Variants in HLCS observed in about 807,000 individuals in gnomAD.
HLCS encodes biotin--protein ligase.
HLCS carries 53 observed loss-of-function variants against 75.0 expected under a neutral mutation model. The observed-to-expected ratio is 0.71, with a 90% CI of 0.57 to 0.89. The LOEUF is 0.89. Ranked by LOEUF, HLCS falls within the 40% of genes least tolerant of loss-of-function variation. The pLI, the probability that HLCS is intolerant of heterozygous loss-of-function variation, is 0.00. For synonymous variants in HLCS, 431 were observed against 428.6 expected (o/e 1.01, Z -0.07); for missense variants, 966 against 1,074.0 (o/e 0.90, Z 1.41).
rs2156420 is a variant in HLCS, at chr21:36,788,159, G to C, written c.1893-20874C>G. On this transcript the variant is annotated intron_variant, in intron 6 of 10. Transcript: ENST00000674895. ...TCTTCCTGAAGCTGTTCTGTGCACA[G>C]GTCCTCTCCACACTCATGCCAAATG... Among the ~76,000 whole-genome samples the C allele has an allele frequency of 0.015, 2,240 of 152,302 alleles. 153 individuals carry two copies. In the East Asian group the frequency reaches 0.22, roughly 15 times the overall value.
At chr21:36,926,483 C>T (rs1423572073) in intron 5 of HLCS, among the ~76,000 whole-genome samples, 1 of 152,148 alleles carries the variant, frequency 6.6e-6, no homozygotes, top group Non-Finnish European at 1.5e-5. Context: ...TGTGAGATGC[C>T]TTCAAAGTCC....
chr21:36,819,552 T>C (rs777728705), intron 6 of HLCS, among the ~76,000 whole-genome samples: 9 of 152,318 alleles, frequency 5.9e-5, no homozygotes, highest in Non-Finnish European at 1.0e-4. Flanking sequence ...ATCTGAACAT[T>C]GTAATAATCA....
chr21:36,908,250 A>T (rs138035219), intron 5 of HLCS, among the ~76,000 whole-genome samples: 101 of 152,050 alleles, frequency 6.6e-4, no homozygotes, highest in African/African-American at 2.3e-3. Context: ...ACTAGTCAAG[A>T]GTGGTCGTAC....
At chr21:36,930,043 CTAAACTCT>C (rs1412652280) in intron 5 of HLCS, among the ~76,000 whole-genome samples, 200 bp downstream of exon 5, 2 of 152,252 alleles carry the variant, frequency 1.3e-5, no homozygotes, top group Non-Finnish European at 2.9e-5. Flanking sequence ...TAACACCTTT[CTAAACTCT>C]ACTAGTTGGC....
At chr21:36,934,351 C>A (rs1394537701) in intron 4 of HLCS, among the ~76,000 whole-genome samples, 1 of 152,160 alleles carries the variant, frequency 6.6e-6, no homozygotes, top group Non-Finnish European at 1.5e-5. Flanking sequence ...CTGTTGTTGC[C>A]ACGAAGAATT....
chr21:36,855,381 A>T (rs199772567), intron 6 of HLCS, among the ~76,000 whole-genome samples: 25 of 150,762 alleles, frequency 1.7e-4, no homozygotes, highest in South Asian at 8.4e-4. Context: ...AAATAAAAAA[A>T]AAAAAAATTA....
chr21:36,980,065 G>A (rs1429757523), intron 1 of HLCS, among the ~76,000 whole-genome samples: 1 of 142,714 alleles, frequency 7.0e-6, no homozygotes, highest in Non-Finnish European at 1.5e-5. Context: ...GGCTGGGTGT[G>A]GTGGTCCCAG....
intron 5 of HLCS, 147 bp from the exon 6 acceptor site, chr21:36,897,278 A>T: frequency 1.3e-6 from 1 of 750,502 alleles, no homozygotes; most frequent in East Asian, 2.5e-5. Flanking sequence ...CATACATCTA[A>T]ACGATTAGAC....
chr21:36,982,107 A>C (rs1270497543), intron 1 of HLCS, among the ~76,000 whole-genome samples: 1 of 152,180 alleles, frequency 6.6e-6, no homozygotes, highest in African/African-American at 2.4e-5. Flanking sequence ...TTATTCAATA[A>C]GCAGATTTCC....
rs550160812 is a variant in HLCS, at chr21:36,769,138, AATGATTAAGGGAACAT to A, written c.1893-1869_1893-1854del. Reference sequence around the variant, plus strand: ...AACACAGACTTCTAGAACAAAGAGAAATGATTAAGGGAACATATGCACTAAACTGCTAGAGGTTTGG... The same window carrying A: ...AACACAGACTTCTAGAACAAAGAGAAATGCACTAAACTGCTAGAGGTTTGG... On this transcript the variant is annotated intron_variant, in intron 6 of 10. Coordinates refer to ENST00000674895, the MANE Select transcript of HLCS (RefSeq NM_001352514.2). 1.1e-3 allele frequency among the ~76,000 whole-genome samples: 166 copies of A among 152,326 alleles called. 1 individual carries two copies. Among genetic ancestry groups the A allele is most frequent in the Non-Finnish European group, 1.6e-3 (112 of 68,026 alleles).
intron 6 of HLCS, among the ~76,000 whole-genome samples, chr21:36,875,584 T>C (rs2063938872): frequency 6.6e-6 from 1 of 152,206 alleles, no homozygotes. Context: ...ACAGGTCTCC[T>C]GTCCACTAAG....
chr21:36,829,166 A>G (rs1191747474), intron 6 of HLCS, among the ~76,000 whole-genome samples: 2 of 152,172 alleles, frequency 1.3e-5, no homozygotes, highest in African/African-American at 2.4e-5. Flanking sequence ...ATCTGTTGTC[A>G]GTTCTACTGG....
rs1220040244 is a variant in HLCS, at chr21:36,832,032, G to GA, written c.1893-64748dup. Among the ~76,000 whole-genome samples, 8 of 151,840 alleles carry GA rather than the reference G, an allele frequency of 5.3e-5. No individual in the cohort carries two copies. The East Asian group carries it at 1.2e-3, about 22-fold the overall frequency. On this transcript the variant is annotated intron_variant, in intron 6 of 10. Coordinates refer to ENST00000674895, the MANE Select transcript of HLCS (RefSeq NM_001352514.2). ...CCTTTCCATCACCACGGTGGAAGGGGAAAAAAAATCCTTTCAGTTCCCTGA... is the reference window on the plus strand; with the variant it reads ...CCTTTCCATCACCACGGTGGAAGGGGAAAAAAAAATCCTTTCAGTTCCCTGA...
At chr21:36,810,750 A>C (rs73902734) in intron 6 of HLCS, among the ~76,000 whole-genome samples, 2,025 of 152,346 alleles carry the variant, frequency 0.013, 24 homozygotes, top group South Asian at 0.067. Context: ...AAAAGGAACC[A>C]GAGTTCCTTC....
chr21:36,890,072 C>T (rs2064710045), intron 6 of HLCS, among the ~76,000 whole-genome samples: 2 of 152,132 alleles, frequency 1.3e-5, no homozygotes, highest in South Asian at 4.1e-4. Context: ...GTAGTTCCTC[C>T]TGTGTTCATT....
chr21:36,848,475 G>T (rs1179489907), intron 6 of HLCS, among the ~76,000 whole-genome samples: 1 of 151,762 alleles, frequency 6.6e-6, no homozygotes, highest in Non-Finnish European at 1.5e-5. Flanking sequence ...TACCATGTTG[G>T]CCAGGCTGAT....
chr21:36,814,507 C>T (rs570910142), intron 6 of HLCS, among the ~76,000 whole-genome samples: 108 of 152,196 alleles, frequency 7.1e-4, no homozygotes, highest in Non-Finnish European at 1.3e-3. Context: ...CAGGGCATCC[C>T]GGATTTTATC....
chr21:36,892,550 T>C (rs530989651), intron 6 of HLCS, among the ~76,000 whole-genome samples: 1 of 152,338 alleles, frequency 6.6e-6, no homozygotes, highest in East Asian at 1.9e-4. Flanking sequence ...ATCCTGAATC[T>C]GATCAAGTGG....
chr21:36,861,456 TG>T (rs1190596884), intron 6 of HLCS, among the ~76,000 whole-genome samples: 1 of 152,184 alleles, frequency 6.6e-6, no homozygotes, highest in Non-Finnish European at 1.5e-5. Flanking sequence ...GGCAAACTCG[TG>T]TCAGAGGTTT....
Sources: gnomAD v4.1 joint callset for allele counts (sites outside exome capture counted in the v4.1 genomes callset) on GRCh38, gnomAD v4.1.1 for gene constraint, MANE v1.5 for transcripts, NCBI Gene and HGNC (gene_info 2026-07-23, HGNC 2026-07-21) for gene names.